The following ZNF599 variants were observed in gnomAD, a reference collection of about 807,000 sequenced individuals.
ZNF599 encodes zinc finger protein 599.
A neutral mutation model predicts 11.7 loss-of-function variants in ZNF599; 10 were observed. The observed-to-expected ratio is 0.86, with a 90% CI of 0.53 to 1.45. The LOEUF (loss-of-function observed/expected upper bound fraction) is 1.45, where lower values mean the gene tolerates loss of function less well. ZNF599 is among the 40% of genes most tolerant of loss of function. The pLI, the probability that ZNF599 is intolerant of heterozygous loss-of-function variation, is 0.00. For missense variants in ZNF599, 688 were observed against 713.6 expected, an observed-to-expected ratio of 0.96 and a Z score of 0.41; for synonymous variants, 232 against 253.2, an observed-to-expected ratio of 0.92 and a Z score of 0.79.
At chr19:34,762,865 T>C (rs1002364072) in intron 3 of ZNF599, 11 of 152,252 alleles carry the variant, frequency 7.2e-5, no homozygotes, top group Admixed American at 6.5e-4. Flanking sequence ...GATATGTAGA[T>C]ATGTTAAATA....
intron 1 of ZNF599, among the ~76,000 whole-genome samples, chr19:34,770,773 C>T (rs890168160): frequency 9.2e-5 from 14 of 152,326 alleles, no homozygotes; most frequent in Middle Eastern, 3.4e-3. Context: ...ACACAAGACA[C>T]GTCAGCAGGT....
upstream of ZNF599, among the ~76,000 whole-genome samples, chr19:34,775,822 T>TG (rs1448901456): frequency 1.3e-5 from 2 of 152,190 alleles, no homozygotes; most frequent in Non-Finnish European, 2.9e-5. Context: ...CAACAAAACA[T>TG]ATTAGTAAAT....
At chr19:34,801,928 C>T in the ZNF599 span, among the ~76,000 whole-genome samples, 3 of 152,198 alleles carry the variant, frequency 2.0e-5, no homozygotes, top group East Asian at 1.9e-4. Flanking sequence ...GGATATTTTC[C>T]CCTGTCCTCA....
Position 34,759,980 on chromosome 19 carries a change from T to G in ZNF599, c.821A>C (p.Gln274Pro), listed in dbSNP as rs766271131. 40 of 1,614,180 alleles carry G rather than the reference T, an allele frequency of 2.5e-5. No individual in the cohort carries two copies. The highest frequency in any genetic ancestry group is 3.4e-5 in the Non-Finnish European group (40 of 1,180,020). The change falls in exon 4 of 4, where the codon CAG becomes CCG. Residue 274 changes from glutamine to proline, a missense_variant. Coordinates refer to ENST00000329285, the MANE Select transcript of ZNF599 (RefSeq NM_001007248.3). ...GGGCTTATCTCCGGTGTGAATACGC[T>G]GGTGCTCCGTGAGGTGAAACCTGCG... Reference protein sequence around the residue: ...FKRRFHLTEHQRIHTGDKPYE... With the variant: ...FKRRFHLTEHPRIHTGDKPYE...
In ZNF599 at chr19:34,772,656, G is replaced by C; in HGVS notation, c.18+168C>G. Reference sequence around the variant, plus strand: ...TCCTGTCCTGGATTCAGGACCCTGGGTAGGAAGTGATTAGCCCTGCCCTCT... The same window carrying C: ...TCCTGTCCTGGATTCAGGACCCTGGCTAGGAAGTGATTAGCCCTGCCCTCT... On this transcript the variant is annotated intron_variant, in intron 1 of 3. Coordinates refer to ENST00000329285, the MANE Select transcript of ZNF599 (RefSeq NM_001007248.3). 3 of 1,421,278 alleles carry C rather than the reference G, an allele frequency of 2.1e-6. No individual in the cohort carries two copies. The South Asian group carries it at 4.4e-5, about 21-fold the overall frequency. The allele number at this position is 1,421,278 out of a possible 1,614,324, so 88.0% of individuals were successfully genotyped here. A position where few individuals can be genotyped will look rare whatever the true frequency, so the allele number is the denominator to read the frequency against.
chr19:34,769,438 C>A lies in ZNF599; in HGVS notation c.136G>T (p.Val46Phe). The change falls in exon 2 of 4, where the codon GTC (valine) becomes TTC (phenylalanine). Residue 46 changes from valine (V) to phenylalanine (F), a missense_variant. Transcript: ENST00000329285. ...GGTAATGAGGTCTTACCCAGTGAGACCAGGAGCCTGCAGGTCTCCAGCATC... is the reference window on the plus strand; with the variant it reads ...GGTAATGAGGTCTTACCCAGTGAGAACAGGAGCCTGCAGGTCTCCAGCATC... ...EVMLETCRLL[V>F]SLGHPVPKPE... The A allele has an allele frequency of 6.2e-7, 1 of 1,614,092 alleles. No individual in the cohort carries two copies. Among genetic ancestry groups the A allele is most frequent in the Non-Finnish European group, 8.5e-7 (1 of 1,180,002 alleles).
intron 1 of ZNF599, 69 bp downstream of exon 1, chr19:34,772,755 G>A: frequency 5.9e-6 from 9 of 1,533,746 alleles, no homozygotes; most frequent in Non-Finnish European, 7.9e-6. Context: ...GGCATCCGCC[G>A]TATTACAGCG....
In ZNF599 at chr19:34,759,630, C is replaced by T. The variant is rs1326505625; in HGVS notation, c.1171G>A (p.Gly391Arg). 1.2e-6 allele frequency: 2 copies of T among 1,614,232 alleles called. No individual in the cohort carries two copies. Among genetic ancestry groups the T allele is most frequent in the Non-Finnish European group, 1.7e-6 (2 of 1,180,040 alleles). Residue 391 changes from glycine to arginine, a missense_variant, in exon 4 of 4, where the codon GGA becomes AGA. By Grantham distance (125) the Gly-to-Arg change is moderately radical. Transcript: ENST00000329285. ...TCACCGCACTCATAGGGTTTCTCTC[C>T]AGTGTGAATCCTCATGTGCTGAGTG... is the stretch of plus-strand genomic sequence containing the variant. ...SFTQHMRIHT[G>R]EKPYECGECG...
chr19:34,801,621 G>A, the ZNF599 span, among the ~76,000 whole-genome samples: 38 of 152,360 alleles, frequency 2.5e-4, no homozygotes, highest in African/African-American at 8.9e-4. Flanking sequence ...ACAAGTGTGT[G>A]TTTGCAGTTT....
At chr19:34,771,207 G>A (rs2069181721) in intron 1 of ZNF599, among the ~76,000 whole-genome samples, 1 of 151,972 alleles carries the variant, frequency 6.6e-6, no homozygotes, top group African/African-American at 2.4e-5. Context: ...GCTGCGATGG[G>A]GCCACTGCAC....
At chr19:34,765,233 C>G in intron 3 of ZNF599, 2 of 249,068 alleles carry the variant, frequency 8.0e-6, no homozygotes, top group Non-Finnish European at 7.9e-6. Context: ...TTGTAGTTCC[C>G]CTGTTAAAAT....
chr19:34,789,565 T>A, the ZNF599 span, among the ~76,000 whole-genome samples: 1 of 152,188 alleles, frequency 6.6e-6, no homozygotes, highest in African/African-American at 2.4e-5. Flanking sequence ...TGAGGTGATG[T>A]CTCATTGTAA....
chr19:34,793,678 A>G, the ZNF599 span, among the ~76,000 whole-genome samples: 1 of 152,224 alleles, frequency 6.6e-6, no homozygotes, highest in Non-Finnish European at 1.5e-5. Flanking sequence ...TTGTGCTGGA[A>G]AGAATTCAAG....
the ZNF599 span, among the ~76,000 whole-genome samples, chr19:34,790,242 CAAA>C: frequency 1.3e-5 from 2 of 152,154 alleles, no homozygotes; most frequent in South Asian, 4.1e-4. Flanking sequence ...GCTTTACATT[CAAA>C]GGACTTTCCT....
chr19:34,801,877 G>T, the ZNF599 span, among the ~76,000 whole-genome samples: 1 of 152,192 alleles, frequency 6.6e-6, no homozygotes, highest in Admixed American at 6.5e-5. Flanking sequence ...TTACTGAAAG[G>T]ATCATTTTCC....
chr19:34,798,668 C>T, the ZNF599 span, among the ~76,000 whole-genome samples: 1 of 152,206 alleles, frequency 6.6e-6, no homozygotes, highest in South Asian at 2.1e-4. Flanking sequence ...TCTAAAGTTA[C>T]TTAGGTCAGC....
At chr19:34,795,190 A>T in the ZNF599 span, among the ~76,000 whole-genome samples, 12 of 152,254 alleles carry the variant, frequency 7.9e-5, 1 homozygote, top group African/African-American at 2.4e-5. Flanking sequence ...ACCATGTCGT[A>T]CTTGGTAGGT....
At chr19:34,779,555 G>A in the ZNF599 span, 5 of 442,518 alleles carry the variant, frequency 1.1e-5, no homozygotes, top group African/African-American at 2.0e-5. Flanking sequence ...AAAGAGATCA[G>A]AGTAGTAGCT....
At chr19:34,786,340 G>A in the ZNF599 span, among the ~76,000 whole-genome samples, 2 of 152,114 alleles carry the variant, frequency 1.3e-5, no homozygotes, top group African/African-American at 4.8e-5. Flanking sequence ...TCTTGCTGCA[G>A]TTGGAGTTGA....
Sources: allele counts gnomAD v4.1 joint callset (sites outside exome capture counted in the v4.1 genomes callset), GRCh38; gene constraint gnomAD v4.1.1; transcripts MANE v1.5; gene names NCBI Gene and HGNC (gene_info 2026-07-23, HGNC 2026-07-21).